The following ABI3BP variants were observed in gnomAD, a reference collection of about 807,000 sequenced individuals.
ABI3BP encodes target of Nesh-SH3.
In ABI3BP, 216 loss-of-function variants were observed where a neutral mutation model predicts 268.6. The ratio of observed to expected loss-of-function variants is 0.80; its 90% confidence interval spans 0.72 to 0.90. The LOEUF is 0.90. Ranked by LOEUF, ABI3BP falls within the 40% of genes least tolerant of loss-of-function variation. The pLI is 0.00. For missense variants in ABI3BP, 2,090 were observed against 2,182.4 expected, an observed-to-expected ratio of 0.96 and a Z score of 0.84; for synonymous variants, 730 against 730.0, an observed-to-expected ratio of 1.00 and a Z score of 0.00.
chr3:100,758,250 C>A (rs2095741761), intron 63 of ABI3BP, among the ~76,000 whole-genome samples: 1 of 152,152 alleles, frequency 6.6e-6, no homozygotes, highest in African/African-American at 2.4e-5. Context: ...CTCTGAGCTT[C>A]AGTTTACTCT....
At chr3:100,905,293 G>A (rs942969140) in intron 2 of ABI3BP, among the ~76,000 whole-genome samples, 13 of 152,058 alleles carry the variant, frequency 8.5e-5, no homozygotes, top group African/African-American at 3.1e-4. Flanking sequence ...GATAGCATTC[G>A]GAGATATACC....
In ABI3BP at chr3:100,840,137, C is replaced by A. The variant is rs1159728203; in HGVS notation, c.1832G>T (p.Arg611Leu). The change falls in exon 23 of 68, where the codon CGT becomes CTT. Residue 611 changes from arginine (R) to leucine (L), a missense_variant. Arg to Leu is a moderately radical substitution (Grantham distance 102, BLOSUM62 -2). Transcript: ENST00000471714. ...LAPRKTKRPGRRPRPRPRPKT... is the reference protein window; with the variant it reads ...LAPRKTKRPGLRPRPRPRPKT... ...AGGGCGGGGACGGGGGCGGGGGCGA[C>A]GACCTGGTCTTTTGGTCTTTCGTGG... 1 of 1,531,964 alleles carries A rather than the reference C, an allele frequency of 6.5e-7. No individual in the cohort carries two copies. Among genetic ancestry groups the A allele is most frequent in the Non-Finnish European group, 8.7e-7 (1 of 1,145,032 alleles). The allele number at this position is 1,531,964 out of a possible 1,614,324, so 94.9% of individuals were successfully genotyped here.
chr3:100,775,401 T>C (rs949655993), intron 59 of ABI3BP, 66 bp from the exon 60 acceptor site: 1 of 1,543,442 alleles, frequency 6.5e-7, no homozygotes, highest in Non-Finnish European at 8.7e-7. Context: ...TAAACATTTA[T>C]TTATTCCATA....
intron 1 of ABI3BP, among the ~76,000 whole-genome samples, chr3:100,971,776 T>C (rs2083714789): frequency 6.6e-6 from 1 of 152,218 alleles, no homozygotes; most frequent in Non-Finnish European, 1.5e-5. Flanking sequence ...AAGTTGGATT[T>C]CATTCATCTG....
intron 50 of ABI3BP, among the ~76,000 whole-genome samples, chr3:100,807,871 G>A (rs73152451): frequency 0.14 from 21,022 of 151,936 alleles, 1,889 homozygotes; most frequent in South Asian, 0.27. Flanking sequence ...GTCTCAGGCC[G>A]GGGAAGGAAA....
chr3:100,816,554 T>C (rs565043827), intron 43 of ABI3BP, 134 bp downstream of exon 43: 4 of 789,798 alleles, frequency 5.1e-6, no homozygotes, highest in Non-Finnish European at 8.6e-6. Context: ...TTGCTACCCA[T>C]GTTAAATAAT....
At chr3:100,797,030 T>C (rs1000133502) in intron 51 of ABI3BP, among the ~76,000 whole-genome samples, 2 of 152,072 alleles carry the variant, frequency 1.3e-5, no homozygotes, top group South Asian at 4.1e-4. Flanking sequence ...AGATACCACA[T>C]GTAAAGTTAA....
chr3:100,901,505 T>C lies in ABI3BP; in HGVS notation c.328+1113A>G, dbSNP rs1251674372. 2.0e-5 allele frequency among the ~76,000 whole-genome samples: 3 copies of C among 152,262 alleles called. No homozygotes were observed. The East Asian group carries it at 5.8e-4, about 29-fold the overall frequency. Reference sequence around the variant, plus strand: ...CAGGCTGGGTGCAGTGGCTCACACCTGTAATCCCAGCACTTTGGGAGAGCG... The same window carrying C: ...CAGGCTGGGTGCAGTGGCTCACACCCGTAATCCCAGCACTTTGGGAGAGCG... On this transcript the variant is annotated intron_variant, in intron 3 of 67. Coordinates refer to ENST00000471714, the MANE Select transcript of ABI3BP (RefSeq NM_001375547.2).
chr3:100,800,176 T>C lies in ABI3BP; in HGVS notation c.3758-3708A>G, dbSNP rs17284047. Among the ~76,000 whole-genome samples the C allele has an allele frequency of 9.3e-3, 1,408 of 152,212 alleles. 9 individuals are homozygous for C. The highest frequency in any genetic ancestry group is 0.016 in the Non-Finnish European group (1,097 of 68,004). On this transcript the variant is annotated intron_variant, in intron 51 of 67. Coordinates refer to ENST00000471714, the MANE Select transcript of ABI3BP (RefSeq NM_001375547.2). ...AATTTCTCAGACTTATCTTTCTAGA[T>C]TGTTGCAAACCTACTAAGTGATTCC...
intron 13 of ABI3BP, 32 bp from the exon 14 acceptor site, chr3:100,862,417 A>ATT (rs10567225): frequency 9.5e-5 from 121 of 1,275,050 alleles, no homozygotes; most frequent in Middle Eastern, 3.9e-4. Flanking sequence ...TTTGCTGAAG[A>ATT]TTTTTTTTTT....
chr3:100,961,136 C>T (rs1290545010), intron 1 of ABI3BP, among the ~76,000 whole-genome samples: 2 of 152,236 alleles, frequency 1.3e-5, no homozygotes, highest in African/African-American at 2.4e-5. Flanking sequence ...ACAAAGGCAG[C>T]CCTAGTACCA....
intron 2 of ABI3BP, among the ~76,000 whole-genome samples, chr3:100,917,189 G>A (rs1409343046): frequency 6.6e-6 from 1 of 152,160 alleles, no homozygotes; most frequent in Non-Finnish European, 1.5e-5. Flanking sequence ...GGGAAGGTGA[G>A]ACTCAGCTCT....
intron 1 of ABI3BP, among the ~76,000 whole-genome samples, chr3:100,958,442 T>C (rs769392109): frequency 6.6e-6 from 1 of 152,198 alleles, no homozygotes; most frequent in East Asian, 1.9e-4. Flanking sequence ...TTTTACCATA[T>C]GATAAATATC....
chr3:100,832,537 A>G (rs542916867), intron 30 of ABI3BP, among the ~76,000 whole-genome samples, 187 bp from the exon 31 acceptor site: 7 of 152,276 alleles, frequency 4.6e-5, no homozygotes, highest in Admixed American at 1.3e-4. Flanking sequence ...TTCTCCAGAG[A>G]CAAATATTGT....
intron 1 of ABI3BP, among the ~76,000 whole-genome samples, chr3:100,984,191 T>C (rs1389513517): frequency 1.3e-5 from 2 of 152,000 alleles, no homozygotes; most frequent in African/African-American, 2.4e-5. Flanking sequence ...ATAAATTTGT[T>C]GGGGAGGCAG....
chr3:100,752,782 C>T lies in ABI3BP; in HGVS notation c.5122+5G>A. ...GCTGAAAACAGAGCTGGTAGCTCTG[C>T]TTACCTGTGAGGGAGTCGCTCAAGT... On this transcript the variant is annotated splice_donor_5th_base_variant and intron_variant, in intron 66 of 67. Transcript: ENST00000471714. The T allele has an allele frequency of 1.2e-6, 2 of 1,612,104 alleles. No individual in the cohort carries two copies. The highest frequency in any genetic ancestry group is 1.7e-6 in the Non-Finnish European group (2 of 1,179,350).
intron 29 of ABI3BP, among the ~76,000 whole-genome samples, 200 bp downstream of exon 29, chr3:100,834,484 C>T (rs1579632033): frequency 6.6e-6 from 1 of 152,064 alleles, no homozygotes; most frequent in East Asian, 1.9e-4. Context: ...GTAAAATTCC[C>T]AGGCACCAAG....
At position 100,753,980 on chromosome 3, in the gene ABI3BP, A is replaced by C. The variant is rs2095480953; in HGVS notation, c.4931-132T>G. 3 of 949,964 alleles carry C rather than the reference A, an allele frequency of 3.2e-6. No homozygotes were observed. In the Admixed American group the frequency reaches 6.6e-5, roughly 21 times the overall value. The allele number at this position is 949,964 out of a possible 1,614,324, so 58.8% of individuals were successfully genotyped here. A position where few individuals can be genotyped will look rare whatever the true frequency, so the allele number is the denominator to read the frequency against. ...GCAAAATGGTACTCTTTTGCTAAGG[A>C]TTGAATTTGAAAGTTTGCTTTGTTT... is the stretch of plus-strand genomic sequence containing the variant. On this transcript the variant is annotated intron_variant, in intron 64 of 67. Transcript: ENST00000471714.
intron 2 of ABI3BP, among the ~76,000 whole-genome samples, chr3:100,924,481 C>T (rs2061227704): frequency 6.6e-6 from 1 of 152,100 alleles, no homozygotes; most frequent in Non-Finnish European, 1.5e-5. Context: ...CCTGGTTATG[C>T]TTTAAATACC....
Sources: allele counts gnomAD v4.1 joint callset (sites outside exome capture counted in the v4.1 genomes callset), GRCh38; gene constraint gnomAD v4.1.1; transcripts MANE v1.5; gene names NCBI Gene and HGNC (gene_info 2026-07-23, HGNC 2026-07-21).